The following STXBP5L variants were observed in gnomAD, a reference collection of about 807,000 sequenced individuals.
STXBP5L encodes syntaxin-binding protein 5-like.
A neutral mutation model predicts 144.5 loss-of-function variants in STXBP5L; 65 were observed. The observed-to-expected ratio is 0.45, with a 90% CI of 0.37 to 0.55. The LOEUF (loss-of-function observed/expected upper bound fraction) is 0.55. Among genes scored for constraint, STXBP5L ranks in the 20% least tolerant of loss-of-function variants. The pLI, the probability that STXBP5L is intolerant of heterozygous loss-of-function variation, is 0.00. For synonymous variants in STXBP5L, 505 were observed against 469.6 expected (o/e 1.08, Z -0.97); for missense variants, 1,298 against 1,405.5 (o/e 0.92, Z 1.22).
At chr3:121,099,653 G>A (rs1461551361) in intron 5 of STXBP5L, 1 of 152,882 alleles carries the variant, frequency 6.5e-6, no homozygotes, top group South Asian at 2.1e-4. Context: ...CTATTGGACA[G>A]GAGCTTCCTT....
chr3:121,395,932 ATCTCTTCC>A (rs2046718796), intron 22 of STXBP5L, among the ~76,000 whole-genome samples: 1 of 152,176 alleles, frequency 6.6e-6, no homozygotes, highest in Non-Finnish European at 1.5e-5. Context: ...TCCTCCCAGA[ATCTCTTCC>A]TCGGCATCTG....
At chr3:121,397,757 A>G (rs1040256620) in intron 22 of STXBP5L, among the ~76,000 whole-genome samples, 1 of 152,218 alleles carries the variant, frequency 6.6e-6, no homozygotes, top group Non-Finnish European at 1.5e-5. Flanking sequence ...ATAAATTTAT[A>G]GGTACAGAAA....
intron 5 of STXBP5L, among the ~76,000 whole-genome samples, chr3:121,086,739 G>C (rs1008014708): frequency 2.0e-5 from 3 of 151,986 alleles, no homozygotes; most frequent in Non-Finnish European, 2.9e-5. Flanking sequence ...TCATGTTAAT[G>C]CTTAAAAAGT....
chr3:121,127,886 G>A (rs2044785579), intron 7 of STXBP5L, among the ~76,000 whole-genome samples: 1 of 152,012 alleles, frequency 6.6e-6, no homozygotes, highest in African/African-American at 2.4e-5. Flanking sequence ...TTTTCTGGGT[G>A]ACCGTGTAAT....
At chr3:121,277,695 T>C (rs1038884073) in intron 18 of STXBP5L, among the ~76,000 whole-genome samples, 8 of 152,042 alleles carry the variant, frequency 5.3e-5, no homozygotes, top group African/African-American at 9.7e-5. Context: ...ATACTAGATA[T>C]TGTGAATTTT....
intron 19 of STXBP5L, among the ~76,000 whole-genome samples, chr3:121,314,562 C>T (rs1407557033): frequency 6.9e-6 from 1 of 143,962 alleles, no homozygotes; most frequent in Non-Finnish European, 1.5e-5. Flanking sequence ...CCAGCTTTGG[C>T]TCGGCATCAG....
At chr3:120,991,080 A>G (rs1469455215) in intron 3 of STXBP5L, among the ~76,000 whole-genome samples, 2 of 152,176 alleles carry the variant, frequency 1.3e-5, no homozygotes, top group Admixed American at 1.3e-4. Context: ...CAATCTACTC[A>G]TCTGACAAAG....
chr3:121,139,916 A>C (rs2045423797), intron 7 of STXBP5L, among the ~76,000 whole-genome samples: 1 of 152,084 alleles, frequency 6.6e-6, no homozygotes, highest in Non-Finnish European at 1.5e-5. Context: ...TTTGTCAACT[A>C]TACATTCAAG....
Position 121,037,247 on chromosome 3 carries a change from C to G in STXBP5L, c.288-4453C>G, listed in dbSNP as rs565380051. Among the ~76,000 whole-genome samples the G allele has an allele frequency of 4.7e-3, 689 of 147,198 alleles. 4 individuals are homozygous for G. The highest frequency in any genetic ancestry group is 0.016 in the African/African-American group (657 of 40,022). ...CACACCTGGTTTTTTTTTTTTCTGTCTTTTTCTTTTCTTTTTTTTTTGAAA... is the reference window on the plus strand; with the variant it reads ...CACACCTGGTTTTTTTTTTTTCTGTGTTTTTCTTTTCTTTTTTTTTTGAAA... On this transcript the variant is annotated intron_variant, in intron 3 of 26. Transcript: ENST00000471454.
chr3:121,381,899 A>G (rs775975171), intron 22 of STXBP5L, among the ~76,000 whole-genome samples: 1 of 152,178 alleles, frequency 6.6e-6, no homozygotes, highest in Non-Finnish European at 1.5e-5. Flanking sequence ...GTGTTTTTAC[A>G]TCATCCTTGA....
At chr3:121,368,475 T>C (rs1220169153) in intron 20 of STXBP5L, among the ~76,000 whole-genome samples, 1 of 152,028 alleles carries the variant, frequency 6.6e-6, no homozygotes, top group African/African-American at 2.4e-5. Flanking sequence ...TCAGGACTTT[T>C]TCAGGGATAA....
At chr3:121,003,925 C>T (rs954403645) in intron 3 of STXBP5L, among the ~76,000 whole-genome samples, 2 of 152,146 alleles carry the variant, frequency 1.3e-5, no homozygotes, top group African/African-American at 4.8e-5. Flanking sequence ...GTTTTGGTAC[C>T]AGTACCACGC....
chr3:121,346,872 G>T (rs544548249), intron 20 of STXBP5L, among the ~76,000 whole-genome samples: 3 of 152,140 alleles, frequency 2.0e-5, no homozygotes, highest in South Asian at 4.1e-4. Flanking sequence ...AGATGAGTAG[G>T]TTGCAAAAAT....
chr3:121,368,727 G>A (rs1340484151), intron 20 of STXBP5L, among the ~76,000 whole-genome samples: 4 of 151,950 alleles, frequency 2.6e-5, no homozygotes, highest in African/African-American at 4.8e-5. Flanking sequence ...GTAATCTTAA[G>A]GTCTTCTTAA....
At chr3:121,335,831 G>A (rs2108569599) in intron 20 of STXBP5L, among the ~76,000 whole-genome samples, 1 of 152,224 alleles carries the variant, frequency 6.6e-6, no homozygotes, top group East Asian at 1.9e-4. Context: ...AGTCAAGCTG[G>A]GCAGTATCAT....
chr3:120,995,922 C>T (rs1021231622), intron 3 of STXBP5L, among the ~76,000 whole-genome samples: 20 of 152,022 alleles, frequency 1.3e-4, no homozygotes, highest in African/African-American at 4.6e-4. Flanking sequence ...ATTCCTTTAG[C>T]CATTTTCAAG....
At chr3:120,930,576 C>T (rs534641597) in intron 2 of STXBP5L, among the ~76,000 whole-genome samples, 125 of 152,072 alleles carry the variant, frequency 8.2e-4, no homozygotes, top group Middle Eastern at 3.4e-3. Context: ...ACTAATTTTT[C>T]CCTGGCATGA....
chr3:121,257,710 A>G (rs1221369531), intron 17 of STXBP5L, among the ~76,000 whole-genome samples: 1 of 152,186 alleles, frequency 6.6e-6, no homozygotes, highest in Non-Finnish European at 1.5e-5. Flanking sequence ...GGAATGCTTG[A>G]GACTAGGAGT....
rs61312244 is a variant in STXBP5L at position 121,124,401 on chromosome 3, C to T, written c.669+2697C>T. On this transcript the variant is annotated intron_variant, in intron 7 of 26. Transcript: ENST00000471454. ...GAGTGTATAACTTATAGAAAATTTA[C>T]ATGTTAAGATATGGGTGTTCCATCT... 2.5e-3 allele frequency among the ~76,000 whole-genome samples: 379 copies of T among 152,046 alleles called. 2 individuals carry two copies. Among genetic ancestry groups the T allele is most frequent in the African/African-American group, 8.6e-3 (356 of 41,552 alleles).
Sources: allele counts gnomAD v4.1 joint callset (sites outside exome capture counted in the v4.1 genomes callset), GRCh38; gene constraint gnomAD v4.1.1; transcripts MANE v1.5; gene names NCBI Gene and HGNC (gene_info 2026-07-23, HGNC 2026-07-21).